Variants in ROBO1 observed in about 807,000 individuals in gnomAD.
ROBO1 encodes roundabout guidance receptor 1.
ROBO1 carries 149 observed loss-of-function variants against 195.9 expected under a neutral mutation model. That is an observed-to-expected ratio of 0.76 (90% CI 0.67 to 0.87). The LOEUF is 0.87. Among genes scored for constraint, ROBO1 ranks in the 40% least tolerant of loss-of-function variants. ROBO1 has a pLI of 0.00. For synonymous variants in ROBO1, 816 were observed against 733.2 expected (o/e 1.11, Z -1.82); for missense variants, 1,933 against 2,068.3 (o/e 0.93, Z 1.27).
At chr3:79,463,954 C>G (rs933598984) in intron 2 of ROBO1, among the ~76,000 whole-genome samples, 1 of 152,102 alleles carries the variant, frequency 6.6e-6, no homozygotes, top group Non-Finnish European at 1.5e-5. Context: ...CCCACTAGAC[C>G]TAAGCAGCCA....
Position 78,692,455 on chromosome 3 carries a change from G to A in ROBO1, c.1046-3683C>T, listed in dbSNP as rs114200422. Among the ~76,000 whole-genome samples the A allele has an allele frequency of 3.6e-3, 544 of 152,032 alleles. 1 individual carries two copies. The highest frequency in any genetic ancestry group is 6.3e-3 in the Non-Finnish European group (427 of 67,968). Reference sequence around the variant, plus strand: ...TGGCTGACTTTTGTATTTTTTGGTAGAGATGGGGGTTTGCCATGTTGCCCA... The same window carrying A: ...TGGCTGACTTTTGTATTTTTTGGTAAAGATGGGGGTTTGCCATGTTGCCCA... On this transcript the variant is annotated intron_variant, in intron 8 of 30. Coordinates refer to ENST00000464233, the MANE Select transcript of ROBO1 (RefSeq NM_002941.4).
chr3:79,048,699 T>C (rs145963611), intron 3 of ROBO1, among the ~76,000 whole-genome samples: 1 of 152,062 alleles, frequency 6.6e-6, no homozygotes, highest in Non-Finnish European at 1.5e-5. Flanking sequence ...ATGATGATGA[T>C]GATTTTTACT....
At chr3:78,839,081 A>C (rs1336879190) in intron 4 of ROBO1, among the ~76,000 whole-genome samples, 1 of 152,146 alleles carries the variant, frequency 6.6e-6, no homozygotes, top group African/African-American at 2.4e-5. Flanking sequence ...CCCTTAGTTG[A>C]GAATTCTTGC....
intron 3 of ROBO1, among the ~76,000 whole-genome samples, chr3:79,098,960 G>A (rs965280940): frequency 4.0e-5 from 6 of 151,466 alleles, no homozygotes; most frequent in African/African-American, 1.2e-4. Context: ...GGTGATCAAT[G>A]TATTATATTT....
At chr3:79,538,115 C>T (rs947199840) in intron 2 of ROBO1, among the ~76,000 whole-genome samples, 5 of 152,046 alleles carry the variant, frequency 3.3e-5, no homozygotes, top group African/African-American at 9.7e-5. Context: ...ACCAAAACTA[C>T]GAATAATAGC....
chr3:78,970,762 A>G (rs1560065088), intron 3 of ROBO1, among the ~76,000 whole-genome samples: 1 of 152,200 alleles, frequency 6.6e-6, no homozygotes, highest in Non-Finnish European at 1.5e-5. Context: ...GGATGCTTTT[A>G]TCATCCCATT....
chr3:79,486,954 G>A (rs1401096518), intron 2 of ROBO1, among the ~76,000 whole-genome samples: 4 of 152,072 alleles, frequency 2.6e-5, no homozygotes, highest in Admixed American at 2.0e-4. Context: ...CTGAGGGATC[G>A]ACATAACAAA....
intron 4 of ROBO1, among the ~76,000 whole-genome samples, chr3:78,916,415 G>T (rs529738017): frequency 1.2e-3 from 181 of 151,434 alleles, no homozygotes; most frequent in African/African-American, 4.2e-3. Flanking sequence ...AGCCAGGTGT[G>T]GGGGCGGGTG....
intron 2 of ROBO1, among the ~76,000 whole-genome samples, chr3:79,447,012 G>T (rs2039281517): frequency 6.7e-6 from 1 of 150,118 alleles, no homozygotes; most frequent in Non-Finnish European, 1.5e-5. Flanking sequence ...TTTTTTTTTA[G>T]TAGAGACGGG....
At chr3:79,688,995 C>A (rs911325110) in intron 1 of ROBO1, among the ~76,000 whole-genome samples, 1 of 151,972 alleles carries the variant, frequency 6.6e-6, no homozygotes, top group Non-Finnish European at 1.5e-5. Context: ...AATTATTAGA[C>A]TTTTTTCTCA....
At chr3:79,424,995 A>T (rs1218769229) in intron 2 of ROBO1, among the ~76,000 whole-genome samples, 1 of 152,174 alleles carries the variant, frequency 6.6e-6, no homozygotes, top group Non-Finnish European at 1.5e-5. Flanking sequence ...GAATTTGAGG[A>T]CATCAGCTGA....
At chr3:78,966,323 G>T (rs2107876377) in intron 3 of ROBO1, among the ~76,000 whole-genome samples, 1 of 152,278 alleles carries the variant, frequency 6.6e-6, no homozygotes, top group East Asian at 1.9e-4. Context: ...ACGCAATGGG[G>T]GAAATCCCAA....
At chr3:79,435,084 G>T (rs1214226337) in intron 2 of ROBO1, among the ~76,000 whole-genome samples, 1 of 151,934 alleles carries the variant, frequency 6.6e-6, no homozygotes, top group Admixed American at 6.6e-5. Context: ...GAGGAGGGAG[G>T]GATAGCATTA....
intron 2 of ROBO1, among the ~76,000 whole-genome samples, chr3:79,347,621 A>AT (rs1302256805): frequency 6.6e-6 from 1 of 152,328 alleles, no homozygotes; most frequent in East Asian, 1.9e-4. Context: ...ACTACAGACA[A>AT]TAAGTGTCAA....
intron 3 of ROBO1, among the ~76,000 whole-genome samples, chr3:79,060,984 T>G (rs1204585040): frequency 6.6e-6 from 1 of 152,094 alleles, no homozygotes; most frequent in African/African-American, 2.4e-5. Flanking sequence ...AACATACTGT[T>G]GAAAGTTCTG....
chr3:78,907,741 T>C (rs1249405544), intron 4 of ROBO1, among the ~76,000 whole-genome samples: 1 of 152,002 alleles, frequency 6.6e-6, no homozygotes, highest in Non-Finnish European at 1.5e-5. Flanking sequence ...TCATGGTCAA[T>C]AGAAAGTAAT....
chr3:79,204,930 T>C (rs1378222153), intron 2 of ROBO1, among the ~76,000 whole-genome samples: 2 of 152,070 alleles, frequency 1.3e-5, no homozygotes, highest in Non-Finnish European at 2.9e-5. Context: ...TTTGTTTGTT[T>C]TTTAACTTTA....
intron 2 of ROBO1, among the ~76,000 whole-genome samples, chr3:79,316,022 G>A (rs985395776): frequency 4.6e-5 from 7 of 152,156 alleles, no homozygotes; most frequent in Admixed American, 1.3e-4. Context: ...TACTTTACAC[G>A]CAATTCTAAC....
Position 78,958,046 on chromosome 3 carries a change from T to A in ROBO1, c.173-19119A>T, listed in dbSNP as rs921124858. 4.1e-4 allele frequency among the ~76,000 whole-genome samples: 63 copies of A among 152,200 alleles called. 1 individual carries two copies. The highest frequency in any genetic ancestry group is 1.4e-3 in the African/African-American group (59 of 41,456). ...CGAGATGCAGCATAAGGTTCTTGGT[T>A]TTTTATATAAATTTACTTTGTCATT... On this transcript the variant is annotated intron_variant, in intron 3 of 30. Coordinates refer to ENST00000464233, the MANE Select transcript of ROBO1 (RefSeq NM_002941.4).
Sources: allele counts gnomAD v4.1 joint callset (sites outside exome capture counted in the v4.1 genomes callset), GRCh38; gene constraint gnomAD v4.1.1; transcripts MANE v1.5; gene names NCBI Gene and HGNC (gene_info 2026-07-23, HGNC 2026-07-21).